Variants in TPM1 observed in about 807,000 individuals in gnomAD.
The protein encoded by TPM1 is tropomyosin 1.
In TPM1, 24 loss-of-function variants were observed where a neutral mutation model predicts 42.9. That is an observed-to-expected ratio of 0.56 (90% CI 0.41 to 0.79). TPM1 has a LOEUF of 0.79. Ranked by LOEUF, TPM1 falls within the 30% of genes least tolerant of loss-of-function variation. The probability of loss-of-function intolerance (pLI) is 0.00; values close to 1 mark genes in which losing one functional copy is unlikely to be tolerated. For synonymous variants in TPM1, 136 were observed against 130.1 expected (o/e 1.05, Z -0.31); for missense variants, 158 against 351.8 (o/e 0.45, Z 4.41).
intron 2 of TPM1, among the ~76,000 whole-genome samples, chr15:63,054,093 A>AT (rs1447063844): frequency 6.6e-6 from 1 of 151,846 alleles, no homozygotes; most frequent in Non-Finnish European, 1.5e-5. Flanking sequence ...TTGAGACCCT[A>AT]TTTTTTGGAT....
chr15:63,062,856 GTGGCAAATGCCATCCAGCT>G, intron 8 of TPM1: 1 of 1,525,090 alleles, frequency 6.6e-7, no homozygotes. Flanking sequence ...ACCAGCCATA[GTGGCAAATGCCATCCAGCT>G]TGACTTCATG....
downstream of TPM1, among the ~76,000 whole-genome samples, chr15:63,068,854 A>C (rs2141027162): frequency 6.6e-6 from 1 of 152,338 alleles, no homozygotes; most frequent in East Asian, 1.9e-4. Context: ...CTCTTCAAGA[A>C]GTAAGCAGAT....
rs1005672618 is a variant in TPM1, at chr15:63,059,585, C to T, written c.397C>T (p.Arg133Ter). Reference protein sequence around the residue: ...SERGMKVIESRAQKDEEKMEI... With the variant: ...SERGMKVIES ...CAGAGGCATGAAAGTCATTGAGAGT[C>T]GAGCCCAAAAAGATGAAGAAAAAAT... The change falls in exon 4 of 10, where the codon CGA becomes TGA. Residue 133 changes from arginine (R) to a stop codon, truncating the protein, a stop_gained. Coordinates refer to ENST00000403994, the MANE Select transcript of TPM1 (RefSeq NM_001018005.2). LOFTEE classifies it high-confidence loss of function. 4 of 1,610,620 alleles carry T rather than the reference C, an allele frequency of 2.5e-6. No homozygotes were observed. The highest frequency in any genetic ancestry group is 1.7e-5 in the Admixed American group (1 of 59,936).
intron 2 of TPM1, chr15:63,048,791 C>G (rs117389407): frequency 1.1e-5 from 16 of 1,494,134 alleles, no homozygotes; most frequent in Admixed American, 8.3e-5. Context: ...CTTCCCCCCC[C>G]GCAGGCCCCG....
chr15:63,056,841 G>A (rs2034880608), intron 2 of TPM1, 144 bp from the exon 3 acceptor site: 4 of 1,060,366 alleles, frequency 3.8e-6, no homozygotes, highest in Non-Finnish European at 5.8e-6. Flanking sequence ...CTCCAGAGTT[G>A]ATGAGGGCTT....
rs138098085 is a variant in TPM1 at position 63,063,837 on chromosome 15, T to C, written c.773-227T>C. ...GTTAGGATTTTCATATTGAGTCTTTTTCATTTTATTTTCTAATGGGTTTTG... is the reference window on the plus strand; with the variant it reads ...GTTAGGATTTTCATATTGAGTCTTTCTCATTTTATTTTCTAATGGGTTTTG... On this transcript the variant is annotated intron_variant, in intron 8 of 9. Transcript: ENST00000403994. 47 of 554,706 alleles carry C rather than the reference T, an allele frequency of 8.5e-5. No homozygotes were observed. In the East Asian group the frequency reaches 1.4e-3, roughly 16 times the overall value. 34.4% of individuals were successfully genotyped at this position (554,706 alleles called of 1,614,324 possible).
At chr15:63,069,903 G>C, downstream of TPM1, 1 of 1,614,094 alleles carries the variant, frequency 6.2e-7, no homozygotes, top group Non-Finnish European at 8.5e-7. Context: ...CAAAATCGCC[G>C]CCTCACTAAT....
intron 2 of TPM1, chr15:63,047,791 C>T (rs533256861): frequency 3.0e-4 from 51 of 169,906 alleles, no homozygotes; most frequent in African/African-American, 9.8e-4. Context: ...TACAGTCCTT[C>T]ATAATTCTCA....
intron 2 of TPM1, among the ~76,000 whole-genome samples, chr15:63,051,296 G>A (rs2033804119): frequency 1.3e-5 from 2 of 152,082 alleles, no homozygotes; most frequent in Non-Finnish European, 1.5e-5. Flanking sequence ...AAGTATTTCC[G>A]GGATAGGAAA....
chr15:63,051,119 T>A (rs3803499), intron 2 of TPM1, among the ~76,000 whole-genome samples: 1 of 152,030 alleles, frequency 6.6e-6, no homozygotes, highest in Non-Finnish European at 1.5e-5. Flanking sequence ...TTGCTTTTTT[T>A]CATTATTTAA....
intron 8 of TPM1, 66 bp downstream of exon 8, chr15:63,062,711 T>C (rs2035808139): frequency 1.2e-6 from 2 of 1,612,866 alleles, no homozygotes; most frequent in East Asian, 2.2e-5. Context: ...CAAAACAATT[T>C]TCCAATTCAA....
chr15:63,063,853 A>G (rs910688688), intron 8 of TPM1: 2 of 577,692 alleles, frequency 3.5e-6, no homozygotes, highest in Non-Finnish European at 5.9e-6. Flanking sequence ...TTATTTTCTA[A>G]TGGGTTTTGT....
chr15:63,067,696 A>T (rs533752694), downstream of TPM1, among the ~76,000 whole-genome samples: 209 of 152,354 alleles, frequency 1.4e-3, no homozygotes, highest in African/African-American at 4.7e-3. Context: ...ACTCAAGTTT[A>T]TCAAGAAATT....
chr15:63,066,574 C>G (rs2036287680), downstream of TPM1, among the ~76,000 whole-genome samples: 1 of 152,090 alleles, frequency 6.6e-6, no homozygotes, highest in Non-Finnish European at 1.5e-5. Context: ...TGTAGCTGTC[C>G]CATATTACTA....
At chr15:63,064,844 G>A in intron 9 of TPM1, 1 of 497,680 alleles carries the variant, frequency 2.0e-6, no homozygotes, top group Non-Finnish European at 2.6e-6. Context: ...GTGGATGCCT[G>A]TAGTCCCAGC....
chr15:63,060,452 A>C (rs7162932), intron 4 of TPM1, among the ~76,000 whole-genome samples: 3,323 of 152,242 alleles, frequency 0.022, 138 homozygotes, highest in African/African-American at 0.076. Context: ...TGCAGTAAGG[A>C]GGTAGATGCA....
intron 2 of TPM1, among the ~76,000 whole-genome samples, chr15:63,050,524 T>C (rs2033643447): frequency 6.6e-6 from 1 of 152,256 alleles, no homozygotes; most frequent in South Asian, 2.1e-4. Flanking sequence ...ATTCTTACCT[T>C]CTCTTTTGCA....
rs2140908263 is a variant in TPM1 at position 63,057,048 on chromosome 15, G to A, written c.304G>A (p.Ala102Thr). 1 of 1,614,200 alleles carries A rather than the reference G, an allele frequency of 6.2e-7. No individual in the cohort carries two copies. The highest frequency in any genetic ancestry group is 8.5e-7 in the Non-Finnish European group (1 of 1,180,028). ...GCTGGTTGAGGAAGAGTTGGATCGT[G>A]CCCAGGAGCGTCTGGCAACAGCTTT... is the stretch of plus-strand genomic sequence containing the variant. ...IQLVEEELDR[A>T]QERLATALQK... The change falls in exon 3 of 10, where the codon GCC becomes ACC. Residue 102 changes from alanine (A) to threonine (T), a missense_variant. Around this residue, in one of 4 missense-constraint regions of TPM1, gnomAD observed 65 missense variants for 208.8 expected, o/e 0.31. Transcript: ENST00000403994.
At chr15:63,045,295 G>C (rs1449939826) in intron 2 of TPM1, 2 of 152,202 alleles carry the variant, frequency 1.3e-5, no homozygotes, top group Admixed American at 1.3e-4. Flanking sequence ...GAACTCCAGA[G>C]ACGACATTTA....
Sources: allele counts gnomAD v4.1 joint callset (sites outside exome capture counted in the v4.1 genomes callset), GRCh38; gene constraint gnomAD v4.1.1; regional missense constraint gnomAD v4.1.1; transcripts MANE v1.5; gene names NCBI Gene and HGNC (gene_info 2026-07-23, HGNC 2026-07-21).